The following DDB1 variants were observed in gnomAD, a reference collection of about 807,000 sequenced individuals.
The protein encoded by DDB1 is damage specific DNA binding protein 1.
DDB1 carries 18 observed loss-of-function variants against 133.1 expected under a neutral mutation model. The observed-to-expected ratio is 0.14, with a 90% CI of 0.09 to 0.20. The LOEUF (loss-of-function observed/expected upper bound fraction) is 0.20. Among genes scored for constraint, DDB1 ranks in the 10% least tolerant of loss-of-function variants. The pLI, the probability that DDB1 is intolerant of heterozygous loss-of-function variation, is 1.00. For synonymous variants in DDB1, 580 were observed against 550.5 expected, an observed-to-expected ratio of 1.05 and a Z score of -0.75; for missense variants, 828 against 1,459.2, an observed-to-expected ratio of 0.57 and a Z score of 7.05.
chr11:61,324,280 T>C (rs1856234061), intron 6 of DDB1, 143 bp from the exon 7 acceptor site: 3 of 817,324 alleles, frequency 3.7e-6, no homozygotes, highest in African/African-American at 1.7e-5. Context: ...AAAATGAGGA[T>C]AGATCCTATT....
At chr11:61,309,713 G>A (rs1855931781) in intron 20 of DDB1, 83 bp downstream of exon 20, 1 of 1,460,546 alleles carries the variant, frequency 6.8e-7, no homozygotes, top group East Asian at 2.3e-5. Flanking sequence ...CTGCTTAACT[G>A]AGGCTCTCTG....
At chr11:61,331,847 G>C in intron 1 of DDB1, 156 bp from the exon 2 acceptor site, 1 of 1,004,200 alleles carries the variant, frequency 1.0e-6, no homozygotes. Flanking sequence ...TGCCAAATCC[G>C]GCACCTCAAA....
At chr11:61,312,686 C>A (rs1590686970) in intron 16 of DDB1, among the ~76,000 whole-genome samples, 2 of 152,088 alleles carry the variant, frequency 1.3e-5, no homozygotes, top group East Asian at 3.9e-4. Context: ...GAAAACTCTG[C>A]CTCCTGGGTT....
chr11:61,330,119 A>G (rs563291751), intron 2 of DDB1, 45 bp from the exon 3 acceptor site: 7 of 1,499,520 alleles, frequency 4.7e-6, no homozygotes, highest in Non-Finnish European at 6.5e-6. Context: ...TTTTTAAAAC[A>G]GGAACAACCT....
chr11:61,311,756 G>A (rs1358538361), intron 18 of DDB1, 28 bp downstream of exon 18: 2 of 1,593,782 alleles, frequency 1.3e-6, no homozygotes, highest in African/African-American at 2.7e-5. Flanking sequence ...CTGCTCTAAG[G>A]TCATCTTTCT....
intron 23 of DDB1, 105 bp from the exon 24 acceptor site, chr11:61,302,856 T>TGACATACTCCACAGTAGGGGAGCC: frequency 6.9e-7 from 1 of 1,453,992 alleles, no homozygotes; most frequent in South Asian, 1.2e-5. Flanking sequence ...CCTGGGGAGC[T>TGACATACTCCACAGTAGGGGAGCC]GACATACTCC....
At chr11:61,313,762 G>T in intron 15 of DDB1, 56 bp from the exon 16 acceptor site, 1 of 1,578,554 alleles carries the variant, frequency 6.3e-7, no homozygotes, top group Non-Finnish European at 8.6e-7. Flanking sequence ...CAAAAAGCTG[G>T]CCTGTGAAAG....
chr11:61,323,355 T>C, intron 7 of DDB1: 1 of 453,076 alleles, frequency 2.2e-6, no homozygotes, highest in South Asian at 3.1e-5. Context: ...ACTGCCTAAG[T>C]ATTAATATTA....
Position 61,324,152 on chromosome 11 carries a change from G to A in DDB1, c.763-15C>T. On this transcript the variant is annotated splice_polypyrimidine_tract_variant and intron_variant, in intron 6 of 26. Transcript: ENST00000301764. ...ATCGTGCTTTGCTGCCAATTGGAAG[G>A]AAACAGTCATTAGAGATTCAGCATC... The A allele has an allele frequency of 6.2e-7, 1 of 1,613,832 alleles. No homozygotes were observed. Among genetic ancestry groups the A allele is most frequent in the Middle Eastern group, 1.7e-4 (1 of 6,004 alleles).
intron 19 of DDB1, 25 bp from the exon 20 acceptor site, chr11:61,309,985 T>G: frequency 6.2e-7 from 1 of 1,614,170 alleles, no homozygotes; most frequent in Non-Finnish European, 8.5e-7. Flanking sequence ...GATGACTACG[T>G]GATGACAGGT....
intron 7 of DDB1, 189 bp downstream of exon 7, chr11:61,323,790 A>G: frequency 1.7e-6 from 1 of 602,198 alleles, no homozygotes; most frequent in African/African-American, 1.8e-5. Context: ...GCTTGGATAG[A>G]TTATCACAGG....
intron 4 of DDB1, among the ~76,000 whole-genome samples, chr11:61,329,003 G>A (rs1224149023): frequency 1.3e-5 from 2 of 151,948 alleles, no homozygotes; most frequent in African/African-American, 4.8e-5. Context: ...TTAATATAAA[G>A]GCAAGATCTA....
intron 12 of DDB1, 28 bp from the exon 13 acceptor site, chr11:61,314,514 C>T: frequency 6.3e-7 from 1 of 1,587,898 alleles, no homozygotes; most frequent in Non-Finnish European, 8.6e-7. Flanking sequence ...GAACAAATGT[C>T]TCCAAGCATC....
intron 20 of DDB1, among the ~76,000 whole-genome samples, chr11:61,309,497 A>T (rs1226409969): frequency 6.6e-6 from 1 of 152,158 alleles, no homozygotes; most frequent in Non-Finnish European, 1.5e-5. Context: ...CAAACCTAAG[A>T]TTCTGAATTT....
Position 61,333,067 on chromosome 11 carries a change from C to T in DDB1, c.-99G>A. On this transcript the variant is annotated 5_prime_UTR_variant, in exon 1 of 27. Transcript: ENST00000301764. ...GCCCCCAACAGCGCGCAGCGAACTCCACTGCCGCTGCCTCCGCCCCAGAGA... is the reference window on the plus strand; with the variant it reads ...GCCCCCAACAGCGCGCAGCGAACTCTACTGCCGCTGCCTCCGCCCCAGAGA... The T allele has an allele frequency of 8.7e-7, 1 of 1,151,586 alleles. No homozygotes were observed. Among genetic ancestry groups the T allele is most frequent in the Non-Finnish European group, 1.2e-6 (1 of 850,406 alleles). The allele number at this position is 1,151,586 out of a possible 1,614,324, so 71.3% of individuals were successfully genotyped here.
intron 10 of DDB1, among the ~76,000 whole-genome samples, 178 bp from the exon 11 acceptor site, chr11:61,316,745 G>C (rs1856074130): frequency 6.6e-6 from 1 of 151,146 alleles, no homozygotes; most frequent in Non-Finnish European, 1.5e-5. Flanking sequence ...AAAATGGAGA[G>C]ACCTTGTCCC....
intron 15 of DDB1, 75 bp downstream of exon 15, chr11:61,313,787 C>T: frequency 6.3e-7 from 1 of 1,593,542 alleles, no homozygotes; most frequent in Non-Finnish European, 8.6e-7. Flanking sequence ...AAAGCAGAAC[C>T]CTGGGACTAA....
At position 61,333,034 on chromosome 11, in the gene DDB1, G is replaced by C. The variant is rs530439290; in HGVS notation, c.-66C>G. The C allele has an allele frequency of 4.3e-5, 60 of 1,395,790 alleles. 1 individual carries two copies. In the South Asian group the frequency reaches 6.3e-4, roughly 15 times the overall value. 86.5% of individuals were successfully genotyped at this position (1,395,790 alleles called of 1,614,324 possible). On this transcript the variant is annotated 5_prime_UTR_variant, in exon 1 of 27. Coordinates refer to ENST00000301764, the MANE Select transcript of DDB1 (RefSeq NM_001923.5). ...CTAGAAAGAGGGACACAAGCGAAAA[G>C]ACAGGTGGCCCCCAACAGCGCGCAG...
In DDB1 at chr11:61,312,504, CTCTT is replaced by C. The variant is rs1470108614; in HGVS notation, c.2070-424_2070-421del. Among the ~76,000 whole-genome samples, 31 of 140,132 alleles carry C rather than the reference CTCTT, an allele frequency of 2.2e-4. No homozygotes were observed. The South Asian group carries it at 3.0e-3, about 14-fold the overall frequency. 91.9% of individuals were successfully genotyped at this position (140,132 alleles called of 152,430 possible). A position where few individuals can be genotyped will look rare whatever the true frequency, so the allele number is the denominator to read the frequency against. On this transcript the variant is annotated intron_variant, in intron 16 of 26. Transcript: ENST00000301764. ...TTTCTTTTCTTTCCTCTCTCTCTCT[CTCTT>C]TTTTTTTTTTTTTTTTTTGAGACAG...
Sources: gnomAD v4.1 joint callset for allele counts (sites outside exome capture counted in the v4.1 genomes callset) on GRCh38, gnomAD v4.1.1 for gene constraint, MANE v1.5 for transcripts, NCBI Gene and HGNC (gene_info 2026-07-23, HGNC 2026-07-21) for gene names.